The following SMARCB1 variants were observed in gnomAD, a reference collection of about 807,000 sequenced individuals.
SMARCB1 encodes the protein SWI/SNF related BAF chromatin remodeling complex subunit B1.
In SMARCB1, 5 loss-of-function variants were observed where a neutral mutation model predicts 49.0. The ratio of observed to expected loss-of-function variants is 0.10; its 90% CI spans 0.05 to 0.21. The LOEUF (loss-of-function observed/expected upper bound fraction) is 0.21, where lower values mean the gene tolerates loss of function less well. Among genes scored for constraint, SMARCB1 ranks in the 10% least tolerant of loss-of-function variants. The pLI, the probability that SMARCB1 is intolerant of heterozygous loss-of-function variation, is 1.00. For missense variants in SMARCB1, 226 were observed against 509.2 expected (o/e 0.44, Z 5.35); for synonymous variants, 201 against 200.1 (o/e 1.00, Z -0.04).
chr22:23,816,631 G>A (rs1210405257), intron 5 of SMARCB1, 139 bp from the exon 6 acceptor site: 3 of 820,302 alleles, frequency 3.7e-6, no homozygotes, highest in Admixed American at 1.7e-5. Flanking sequence ...CCAGTTTCCA[G>A]GAAGGCCACC....
At chr22:23,816,728 A>G (rs765307687) in intron 5 of SMARCB1, 42 bp from the exon 6 acceptor site, 2 of 1,585,380 alleles carry the variant, frequency 1.3e-6, no homozygotes, top group Non-Finnish European at 1.7e-6. Flanking sequence ...ATGCCCAAGC[A>G]TGGTGCAATC....
chr22:23,806,482 A>T (rs1929505806), intron 5 of SMARCB1, among the ~76,000 whole-genome samples: 1 of 152,238 alleles, frequency 6.6e-6, no homozygotes, highest in African/African-American at 2.4e-5. Flanking sequence ...TGGTGGTTAG[A>T]TGCCATGCCA....
chr22:23,799,679 ATTTTTTTTTTT>A (rs71184912), intron 3 of SMARCB1, among the ~76,000 whole-genome samples: 1 of 68,406 alleles, frequency 1.5e-5, no homozygotes, highest in Admixed American at 1.9e-4. Flanking sequence ...CACCTGGCTA[ATTTTTTTTTTT>A]TTTTTTTTTT....
At chr22:23,822,420 T>C (rs2146021704) in intron 6 of SMARCB1, among the ~76,000 whole-genome samples, 1 of 152,252 alleles carries the variant, frequency 6.6e-6, no homozygotes, top group Middle Eastern at 3.4e-3. Context: ...CCGTCTTAGC[T>C]CTGTGAGTCC....
rs1208220976 is a variant in SMARCB1 at position 23,795,254 on chromosome 22, TAGTG to T, written c.362+1569_362+1572del. Among the ~76,000 whole-genome samples, 11 of 152,206 alleles carry T rather than the reference TAGTG, an allele frequency of 7.2e-5. No homozygotes were observed. In the East Asian group the frequency reaches 1.5e-3, roughly 21 times the overall value. On this transcript the variant is annotated intron_variant, in intron 3 of 8. Coordinates refer to ENST00000644036, the MANE Select transcript of SMARCB1 (RefSeq NM_003073.5). ...GCCCAGGAGACCAGCCTGAGCAACATAGTGAGACGTTATCTCTACTGAAAGTTAA... is the reference window on the plus strand; with the variant it reads ...GCCCAGGAGACCAGCCTGAGCAACATAGACGTTATCTCTACTGAAAGTTAA...
chr22:23,831,949 G>A (rs949798023), intron 7 of SMARCB1, among the ~76,000 whole-genome samples: 1 of 152,226 alleles, frequency 6.6e-6, no homozygotes, highest in African/African-American at 2.4e-5. Flanking sequence ...TGCGTCACCA[G>A]TACGAGCTTG....
In SMARCB1 at chr22:23,793,029, G is replaced by A. The variant is rs143466552; in HGVS notation, c.233-530G>A. ...CTTCCCAGGCAGCACGTGTGGACCG[G>A]CTCGGGGATAGAAATTCGTGTTTGG... is the stretch of plus-strand genomic sequence containing the variant. On this transcript the variant is annotated intron_variant, in intron 2 of 8. Coordinates refer to ENST00000644036, the MANE Select transcript of SMARCB1 (RefSeq NM_003073.5). The A allele has an allele frequency of 4.6e-3, 990 of 215,476 alleles. 5 individuals are homozygous for A. The highest frequency in any genetic ancestry group is 7.6e-3 in the Non-Finnish European group (798 of 105,208). 13.3% of individuals were successfully genotyped at this position (215,476 alleles called of 1,614,324 possible).
At chr22:23,800,161 C>G (rs1419299924) in intron 3 of SMARCB1, among the ~76,000 whole-genome samples, 8 of 152,236 alleles carry the variant, frequency 5.3e-5, no homozygotes, top group Middle Eastern at 3.2e-3. Context: ...GGTGGTCTGC[C>G]CATCTTGACC....
chr22:23,835,656 G>A lies in SMARCB1; in HGVS notation c.*1476G>A, dbSNP rs1568966325. The A allele has an allele frequency of 4.1e-6, 4 of 985,534 alleles. No individual in the cohort carries two copies. Among genetic ancestry groups the A allele is most frequent in the Non-Finnish European group, 4.8e-6 (4 of 829,970 alleles). The allele number at this position is 985,534 out of a possible 1,614,324, so 61.0% of individuals were successfully genotyped here. On this transcript the variant is annotated 3_prime_UTR_variant, in exon 9 of 9. Transcript: ENST00000644036. ...GCCTTACTGGAAGGCCTTGAACAAA[G>A]GGGAAGATTCCCAGCCCAGCTGCTC...
rs1430837100 is a variant in SMARCB1, at chr22:23,836,005, G to A, written c.*1825G>A. ...TTTGGAGGAGGCCCCGTGCCACTGA[G>A]CATCCAGAAATAAACCACAACATGG... On this transcript the variant is annotated 3_prime_UTR_variant, in exon 9 of 9. Coordinates refer to ENST00000644036, the MANE Select transcript of SMARCB1 (RefSeq NM_003073.5). The A allele has an allele frequency of 2.0e-6, 2 of 985,374 alleles. No individual in the cohort carries two copies. The highest frequency in any genetic ancestry group is 1.1e-4 in the East Asian group (1 of 8,820). The allele number at this position is 985,374 out of a possible 1,614,324, so 61.0% of individuals were successfully genotyped here.
chr22:23,796,477 C>A (rs1427290320), intron 3 of SMARCB1, among the ~76,000 whole-genome samples: 1 of 152,178 alleles, frequency 6.6e-6, no homozygotes, highest in Non-Finnish European at 1.5e-5. Context: ...TTTCTCTGCA[C>A]AAAGCCCAAG....
chr22:23,806,919 C>CAA (rs61000279), intron 5 of SMARCB1, among the ~76,000 whole-genome samples: 15,871 of 86,430 alleles, frequency 0.18, 1,254 homozygotes, highest in Middle Eastern at 0.24. Flanking sequence ...GACTCTATCT[C>CAA]AAAAAAAAAA....
Position 23,836,881 on chromosome 22 carries a change from G to A in SMARCB1, c.*2701G>A, listed in dbSNP as rs769544563. 2 of 1,476,626 alleles carry A rather than the reference G, an allele frequency of 1.4e-6. No individual in the cohort carries two copies. The highest frequency in any genetic ancestry group is 1.8e-6 in the Non-Finnish European group (2 of 1,111,788). 91.5% of individuals were successfully genotyped at this position (1,476,626 alleles called of 1,614,324 possible). A position where few individuals can be genotyped will look rare whatever the true frequency, so the allele number is the denominator to read the frequency against. ...CCCTGGGTGGGGGTCACTGCTGCGG[G>A]GGTGGCAGATGGGGTCCTGGCTGTT... is the stretch of plus-strand genomic sequence containing the variant. On this transcript the variant is annotated 3_prime_UTR_variant, in exon 9 of 9. Transcript: ENST00000644036.
Position 23,822,889 on chromosome 22 carries a change from C to A in SMARCB1, c.796-2336C>A, listed in dbSNP as rs148938587. On this transcript the variant is annotated intron_variant, in intron 6 of 8. Coordinates refer to ENST00000644036, the MANE Select transcript of SMARCB1 (RefSeq NM_003073.5). ...CCCTCCCTTTCCTCCCTGGCACTCCCGTGCTTTCTGGTACACCACATGCTC... is the reference window on the plus strand; with the variant it reads ...CCCTCCCTTTCCTCCCTGGCACTCCAGTGCTTTCTGGTACACCACATGCTC... Among the ~76,000 whole-genome samples, 70 of 151,402 alleles carry A rather than the reference C, an allele frequency of 4.6e-4. No individual in the cohort carries two copies. The East Asian group carries it at 0.012, about 27-fold the overall frequency.
At chr22:23,806,896 G>A (rs1450054119) in intron 5 of SMARCB1, among the ~76,000 whole-genome samples, 4 of 147,810 alleles carry the variant, frequency 2.7e-5, no homozygotes, top group Non-Finnish European at 5.9e-5. Context: ...CTTCAACCTG[G>A]GCGACAGAGT....
intron 3 of SMARCB1, among the ~76,000 whole-genome samples, chr22:23,795,396 C>G (rs1928678048): frequency 6.6e-6 from 1 of 152,286 alleles, no homozygotes; most frequent in East Asian, 1.9e-4. Context: ...TGGCTCACGC[C>G]TGTAATCCCA....
At chr22:23,813,436 G>A (rs1929999349) in intron 5 of SMARCB1, among the ~76,000 whole-genome samples, 1 of 152,118 alleles carries the variant, frequency 6.6e-6, no homozygotes. Context: ...AGGGTCACAA[G>A]ATACAAGGGA....
At chr22:23,809,584 G>GT (rs1255508328) in intron 5 of SMARCB1, among the ~76,000 whole-genome samples, 1 of 151,680 alleles carries the variant, frequency 6.6e-6, no homozygotes, top group Non-Finnish European at 1.5e-5. Flanking sequence ...CCAATTTTTT[G>GT]TATTTTTTAG....
chr22:23,826,105 G>T (rs148432048), intron 7 of SMARCB1: 6 of 152,704 alleles, frequency 3.9e-5, no homozygotes, highest in African/African-American at 7.2e-5. Flanking sequence ...TTCCTGGCAG[G>T]AGGTGGGACT....
Sources: gnomAD v4.1 joint callset for allele counts (sites outside exome capture counted in the v4.1 genomes callset) on GRCh38, gnomAD v4.1.1 for gene constraint, MANE v1.5 for transcripts, NCBI Gene and HGNC (gene_info 2026-07-23, HGNC 2026-07-21) for gene names.